Variants in SYN3 observed in about 807,000 individuals in gnomAD.
The protein encoded by SYN3 is synapsin III, also known as synapsin-3.
In SYN3, 35 loss-of-function variants were observed where a neutral mutation model predicts 65.8. That is an observed-to-expected ratio of 0.53 (90% CI 0.41 to 0.70). SYN3 has a LOEUF of 0.70. Ranked by LOEUF, SYN3 falls within the 30% of genes least tolerant of loss-of-function variation. The probability of loss-of-function intolerance (pLI) is 0.00; values close to 1 mark genes in which losing one functional copy is unlikely to be tolerated. For missense variants in SYN3, 680 were observed against 749.0 expected (o/e 0.91, Z 1.08); for synonymous variants, 270 against 292.9 (o/e 0.92, Z 0.80).
chr22:32,805,274 G>A (rs1399080180), intron 6 of SYN3, among the ~76,000 whole-genome samples: 1 of 152,118 alleles, frequency 6.6e-6, no homozygotes, highest in Non-Finnish European at 1.5e-5. Context: ...GATGGCCCCT[G>A]GATAGCTCCA....
chr22:32,515,883 C>T (rs929969061), intron 13 of SYN3, among the ~76,000 whole-genome samples: 66 of 152,038 alleles, frequency 4.3e-4, no homozygotes, highest in African/African-American at 1.5e-3. Context: ...ACTGCAAGCT[C>T]CGCCTCCTGG....
chr22:32,655,340 G>A (rs1402824066), intron 6 of SYN3, among the ~76,000 whole-genome samples: 1 of 152,110 alleles, frequency 6.6e-6, no homozygotes, highest in Non-Finnish European at 1.5e-5. Flanking sequence ...CTTTATAAAT[G>A]ACCCAGTCTG....
chr22:32,743,981 CAG>C (rs1451890111), intron 6 of SYN3, among the ~76,000 whole-genome samples: 1 of 152,066 alleles, frequency 6.6e-6, no homozygotes, highest in Non-Finnish European at 1.5e-5. Flanking sequence ...AATGAATTTT[CAG>C]AGAGAATAAG....
At chr22:32,931,212 C>A in intron 4 of SYN3, 178 bp downstream of exon 4, 1 of 560,102 alleles carries the variant, frequency 1.8e-6, no homozygotes, top group Non-Finnish European at 3.3e-6. Flanking sequence ...AGGTGCTGCA[C>A]GTATGATATG....
intron 6 of SYN3, among the ~76,000 whole-genome samples, chr22:32,753,079 C>A (rs2045181680): frequency 6.6e-6 from 1 of 152,120 alleles, no homozygotes; most frequent in South Asian, 2.1e-4. Flanking sequence ...CCAAGAAGAG[C>A]CCCTCGGGGC....
In SYN3 at chr22:32,764,194, C is replaced by T. The variant is rs527392152; in HGVS notation, c.711+100721G>A. On this transcript the variant is annotated intron_variant, in intron 6 of 13. Transcript: ENST00000358763. ...CAGACCTCAGGTGATCCACCCGCCTCGGCCTCCCAAAGTGCTGAGATTACA... is the reference window on the plus strand; with the variant it reads ...CAGACCTCAGGTGATCCACCCGCCTTGGCCTCCCAAAGTGCTGAGATTACA... Among the ~76,000 whole-genome samples, 240 of 152,226 alleles carry T rather than the reference C, an allele frequency of 1.6e-3. 1 individual carries two copies. The highest frequency in any genetic ancestry group is 3.3e-3 in the Admixed American group (51 of 15,294).
At chr22:32,659,056 T>C (rs4821082) in intron 6 of SYN3, among the ~76,000 whole-genome samples, 1 of 151,894 alleles carries the variant, frequency 6.6e-6, no homozygotes, top group Admixed American at 6.5e-5. Context: ...AGTGATTTCC[T>C]TAAGGTCACA....
chr22:32,875,392 C>A (rs929346332), intron 4 of SYN3, among the ~76,000 whole-genome samples: 12 of 152,136 alleles, frequency 7.9e-5, no homozygotes, highest in Non-Finnish European at 1.0e-4. Context: ...ATCTTTATTC[C>A]GGTCTCTTCC....
chr22:33,044,037 G>A (rs796600213), intron 1 of SYN3, among the ~76,000 whole-genome samples: 14 of 151,724 alleles, frequency 9.2e-5, no homozygotes, highest in African/African-American at 3.4e-4. Context: ...TGATGACAGA[G>A]TGAGACTCTG....
chr22:32,764,412 G>A (rs1054696256), intron 6 of SYN3, among the ~76,000 whole-genome samples: 3 of 152,134 alleles, frequency 2.0e-5, no homozygotes, highest in South Asian at 2.1e-4. Context: ...TAGAGAAGCC[G>A]GCAAAGACTG....
At chr22:32,767,423 G>T (rs1048801259) in intron 6 of SYN3, among the ~76,000 whole-genome samples, 2 of 151,426 alleles carry the variant, frequency 1.3e-5, no homozygotes, top group African/African-American at 4.9e-5. Context: ...ACTCTTATTT[G>T]CATGATTTAT....
chr22:32,596,012 G>T (rs2059193482), intron 7 of SYN3, among the ~76,000 whole-genome samples: 1 of 152,322 alleles, frequency 6.6e-6, no homozygotes, highest in East Asian at 1.9e-4. Flanking sequence ...GGGAGGTGGA[G>T]GCTGTAGTGA....
chr22:32,906,177 G>A (rs2049896949), intron 4 of SYN3, among the ~76,000 whole-genome samples: 1 of 152,168 alleles, frequency 6.6e-6, no homozygotes, highest in Non-Finnish European at 1.5e-5. Flanking sequence ...AGAGAGAAAC[G>A]TCTTTCCCTG....
chr22:32,677,358 A>C (rs2060460511), intron 6 of SYN3, among the ~76,000 whole-genome samples: 2 of 152,236 alleles, frequency 1.3e-5, no homozygotes, highest in African/African-American at 2.4e-5. Context: ...TAGGATGTTT[A>C]CTGTACCATT....
chr22:32,617,905 A>G (rs1444073824), intron 6 of SYN3, among the ~76,000 whole-genome samples: 1 of 151,838 alleles, frequency 6.6e-6, no homozygotes, highest in East Asian at 1.9e-4. Flanking sequence ...CTGTTTCTGG[A>G]GCAAGACCTC....
chr22:32,908,230 T>G (rs1349923186), intron 4 of SYN3, among the ~76,000 whole-genome samples: 9 of 151,900 alleles, frequency 5.9e-5, no homozygotes. Context: ...GGATTATAAG[T>G]GCCCACTACC....
chr22:32,992,939 A>G (rs1320537903), intron 2 of SYN3, among the ~76,000 whole-genome samples: 1 of 152,134 alleles, frequency 6.6e-6, no homozygotes, highest in Non-Finnish European at 1.5e-5. Context: ...TTCTGGTAAC[A>G]GCAGTTCTAT....
chr22:32,774,653 C>T (rs917898388), intron 6 of SYN3, among the ~76,000 whole-genome samples: 26 of 151,904 alleles, frequency 1.7e-4, no homozygotes, highest in African/African-American at 7.3e-5. Context: ...AGTGCAATGG[C>T]GCACGATCTC....
chr22:32,788,077 A>G (rs1444500587), intron 6 of SYN3, among the ~76,000 whole-genome samples: 2 of 152,222 alleles, frequency 1.3e-5, no homozygotes, highest in African/African-American at 4.8e-5. Context: ...GGGATCCACC[A>G]TAGAGTTTTG....
Sources: gnomAD v4.1 joint callset for allele counts (sites outside exome capture counted in the v4.1 genomes callset) on GRCh38, gnomAD v4.1.1 for gene constraint, MANE v1.5 for transcripts, NCBI Gene and HGNC (gene_info 2026-07-23, HGNC 2026-07-21) for gene names.